GAB2: variants seen among roughly 807,000 people sequenced by gnomAD.
GAB2 encodes GRB2 associated binding protein 2.
GAB2 carries 26 observed loss-of-function variants against 65.5 expected under a neutral mutation model. The observed-to-expected ratio is 0.40, with a 90% CI of 0.29 to 0.55. GAB2 has a LOEUF of 0.55. GAB2 is among the 20% of genes least tolerant of loss of function. The pLI, the probability that GAB2 is intolerant of heterozygous loss-of-function variation, is 0.53. For missense variants in GAB2, 884 were observed against 875.8 expected, an observed-to-expected ratio of 1.01 and a Z score of -0.12; for synonymous variants, 321 against 329.6, an observed-to-expected ratio of 0.97 and a Z score of 0.28.
At chr11:78,346,027 T>C (rs1340642753) in intron 1 of GAB2, among the ~76,000 whole-genome samples, 1 of 152,218 alleles carries the variant, frequency 6.6e-6, no homozygotes, top group Non-Finnish European at 1.5e-5. Context: ...AGTCTCACTG[T>C]TGCCCATGAG....
At position 78,230,300 on chromosome 11, in the gene GAB2, C is replaced by T. The variant is rs116647255; in HGVS notation, c.621-3249G>A. Among the ~76,000 whole-genome samples the T allele has an allele frequency of 7.8e-3, 1,189 of 152,332 alleles. 14 individuals are homozygous for T. The highest frequency in any genetic ancestry group is 0.027 in the African/African-American group (1,127 of 41,574). On this transcript the variant is annotated intron_variant, in intron 3 of 9. Transcript: ENST00000361507. The stretch of plus-strand genomic sequence containing the variant: ...CCCCGGCATCCTCCTGTCTCGCTCA[C>T]AGAACTACTCACTCATCCCTAAACA...
chr11:78,359,185 T>C (rs73500966), intron 1 of GAB2, among the ~76,000 whole-genome samples: 9,423 of 152,268 alleles, frequency 0.062, 879 homozygotes, highest in African/African-American at 0.21. Context: ...TATTATTCTA[T>C]GCCTGCCTTT....
At chr11:78,365,019 G>C (rs1217773833) in intron 1 of GAB2, among the ~76,000 whole-genome samples, 1 of 152,116 alleles carries the variant, frequency 6.6e-6, no homozygotes, top group Admixed American at 6.6e-5. Flanking sequence ...TGGGGAACAG[G>C]TGTTATTTGG....
At chr11:78,314,166 G>A (rs991010214) in intron 1 of GAB2, among the ~76,000 whole-genome samples, 1 of 152,172 alleles carries the variant, frequency 6.6e-6, no homozygotes, top group African/African-American at 2.4e-5. Context: ...CATAGGGCTC[G>A]CATGTAAAAC....
intron 2 of GAB2, among the ~76,000 whole-genome samples, chr11:78,260,631 C>T (rs1002985305): frequency 6.6e-6 from 1 of 152,146 alleles, no homozygotes; most frequent in African/African-American, 2.4e-5. Flanking sequence ...ACTGCCACAC[C>T]TAGCTAATTT....
At chr11:78,331,682 C>A (rs1408819096) in intron 1 of GAB2, among the ~76,000 whole-genome samples, 1 of 152,120 alleles carries the variant, frequency 6.6e-6, no homozygotes, top group Non-Finnish European at 1.5e-5. Context: ...GCTTGAAGTC[C>A]TCAGGATAAG....
chr11:78,255,287 A>G (rs1196269057), intron 2 of GAB2, among the ~76,000 whole-genome samples: 2 of 152,098 alleles, frequency 1.3e-5, no homozygotes, highest in Non-Finnish European at 2.9e-5. Flanking sequence ...AATACCACCA[A>G]TGCCTTAATT....
Position 78,417,733 on chromosome 11 carries a change from G to T in GAB2, c.-13C>A, listed in dbSNP as rs754793716. 1.6e-6 allele frequency: 2 copies of T among 1,275,964 alleles called. No homozygotes were observed. Among genetic ancestry groups the T allele is most frequent in the Non-Finnish European group, 2.0e-6 (2 of 986,342 alleles). 79.0% of individuals were successfully genotyped at this position (1,275,964 alleles called of 1,614,324 possible). On this transcript the variant is annotated 5_prime_UTR_variant, in exon 1 of 10. Transcript: ENST00000361507. ...CGCCGCCGCTCATGCTGCCGGCCTG[G>T]AGCCCCCCGCCGGGTCGCGCGGACG... is the stretch of plus-strand genomic sequence containing the variant.
intron 1 of GAB2, among the ~76,000 whole-genome samples, chr11:78,350,381 C>T (rs1856258032): frequency 6.6e-6 from 1 of 152,220 alleles, no homozygotes; most frequent in Non-Finnish European, 1.5e-5. Context: ...CCTCCAAAGA[C>T]TGGAGTGATC....
intron 2 of GAB2, among the ~76,000 whole-genome samples, chr11:78,277,612 G>A (rs1185234584): frequency 6.6e-6 from 1 of 152,226 alleles, no homozygotes; most frequent in African/African-American, 2.4e-5. Flanking sequence ...ACACTTGGCT[G>A]GTAAAAGAAT....
intron 1 of GAB2, among the ~76,000 whole-genome samples, chr11:78,391,041 T>G (rs1309508337): frequency 6.6e-6 from 1 of 152,192 alleles, no homozygotes; most frequent in African/African-American, 2.4e-5. Flanking sequence ...TTGAAAAGAT[T>G]CAAAGGAGAC....
At chr11:78,220,956 C>T (rs183410072) in intron 8 of GAB2, among the ~76,000 whole-genome samples, 156 of 152,336 alleles carry the variant, frequency 1.0e-3, no homozygotes, top group Middle Eastern at 3.4e-3. Flanking sequence ...GGGGTAGTCA[C>T]CCCAAAGCAG....
At chr11:78,316,442 A>G (rs4945266) in intron 1 of GAB2, among the ~76,000 whole-genome samples, 24,160 of 152,230 alleles carry the variant, frequency 0.16, 2,454 homozygotes, top group East Asian at 0.4. Context: ...AAGAACTACA[A>G]TAACAACAAA....
At chr11:78,263,688 A>C (rs1337022966) in intron 2 of GAB2, among the ~76,000 whole-genome samples, 1 of 152,062 alleles carries the variant, frequency 6.6e-6, no homozygotes, top group African/African-American at 2.4e-5. Context: ...TGTACTAACA[A>C]GCTTAAATCA....
At chr11:78,387,397 A>G (rs1856781872) in intron 1 of GAB2, among the ~76,000 whole-genome samples, 1 of 152,116 alleles carries the variant, frequency 6.6e-6, no homozygotes, top group South Asian at 2.1e-4. Flanking sequence ...CTTGCTCTTC[A>G]CTGCTAACAA....
At chr11:78,403,197 C>T (rs542829454) in intron 1 of GAB2, among the ~76,000 whole-genome samples, 1 of 152,170 alleles carries the variant, frequency 6.6e-6, no homozygotes, top group Non-Finnish European at 1.5e-5. Flanking sequence ...GACTAAGATA[C>T]TAATCAAGGA....
chr11:78,389,119 G>A (rs1331453284), intron 1 of GAB2, among the ~76,000 whole-genome samples: 1 of 152,164 alleles, frequency 6.6e-6, no homozygotes, highest in Non-Finnish European at 1.5e-5. Flanking sequence ...CAGAGGAGAG[G>A]TATTCATGCT....
Position 78,414,113 on chromosome 11 carries a change from A to G in GAB2, c.75+3533T>C, listed in dbSNP as rs566140839. On this transcript the variant is annotated intron_variant, in intron 1 of 9. Coordinates refer to ENST00000361507, the MANE Select transcript of GAB2 (RefSeq NM_080491.3). The stretch of plus-strand genomic sequence containing the variant: ...AAAAAAAAAAAAAAAAAAAAGGAAG[A>G]AAGAAAGGAACTATGCAGATACAAG... Among the ~76,000 whole-genome samples, 3 of 151,316 alleles carry G rather than the reference A, an allele frequency of 2.0e-5. No homozygotes were observed. In the South Asian group the frequency reaches 6.3e-4, roughly 32 times the overall value.
chr11:78,414,595 C>A (rs1381161399), intron 1 of GAB2, among the ~76,000 whole-genome samples: 1 of 152,148 alleles, frequency 6.6e-6, no homozygotes, highest in African/African-American at 2.4e-5. Context: ...CACACAAATA[C>A]ACTGAGGCAC....
Sources: gnomAD v4.1 joint callset for allele counts (sites outside exome capture counted in the v4.1 genomes callset) on GRCh38, gnomAD v4.1.1 for gene constraint, MANE v1.5 for transcripts, NCBI Gene and HGNC (gene_info 2026-07-23, HGNC 2026-07-21) for gene names.